The following LDLRAD3 variants were observed in gnomAD, a reference collection of about 807,000 sequenced individuals.
LDLRAD3 encodes the protein low density lipoprotein receptor class A domain containing 3.
Under a neutral mutation model 29.4 loss-of-function variants are expected in LDLRAD3, and 20 were observed. That is an observed-to-expected ratio of 0.68 (90% CI 0.48 to 0.99). The LOEUF (loss-of-function observed/expected upper bound fraction) is 0.99. LDLRAD3 is among the 50% of genes least tolerant of loss of function. The pLI, the probability that LDLRAD3 is intolerant of heterozygous loss-of-function variation, is 0.00. For synonymous variants in LDLRAD3, 157 were observed against 192.7 expected (o/e 0.81, Z 1.53); for missense variants, 420 against 454.3 (o/e 0.92, Z 0.69).
chr11:36,122,195 A>G (rs1209885559), intron 4 of LDLRAD3, among the ~76,000 whole-genome samples: 1 of 152,088 alleles, frequency 6.6e-6, no homozygotes, highest in Non-Finnish European at 1.5e-5. Flanking sequence ...GACCAAAGGA[A>G]CAAGTAAACA....
At chr11:36,229,009 A>C (rs1855536552) in intron 5 of LDLRAD3, 151 bp from the exon 6 acceptor site, 1 of 689,514 alleles carries the variant, frequency 1.5e-6, no homozygotes. Flanking sequence ...TGGTCCTTGA[A>C]TTAATTGTCT....
intron 4 of LDLRAD3, among the ~76,000 whole-genome samples, chr11:36,199,256 A>G (rs1423720064): frequency 2.6e-5 from 4 of 152,126 alleles, no homozygotes; most frequent in South Asian, 4.1e-4. Context: ...GCACTAAAGG[A>G]TCCTGTTAAA....
chr11:36,036,059 C>T, intron 1 of LDLRAD3, 44 bp from the exon 2 acceptor site: 1 of 1,594,764 alleles, frequency 6.3e-7, no homozygotes, highest in Non-Finnish European at 8.6e-7. Context: ...CGCTGAGGTC[C>T]CTGCTGTTGC....
chr11:36,071,451 C>A, intron 2 of LDLRAD3, among the ~76,000 whole-genome samples: 1 of 152,038 alleles, frequency 6.6e-6, no homozygotes, highest in Non-Finnish European at 1.5e-5. Flanking sequence ...ATGTATCTGG[C>A]TGTGCATTGT....
In LDLRAD3 at chr11:35,979,069, G is replaced by C. The variant is rs572738531; in HGVS notation, c.46+34925G>C. On this transcript the variant is annotated intron_variant, in intron 1 of 5. Coordinates refer to ENST00000315571, the MANE Select transcript of LDLRAD3 (RefSeq NM_174902.4). ...ACACATTGAATAATGCTCCACTCCG[G>C]ATCTGAGGTGTCTGCCTAGAGTGTT... 3.9e-5 allele frequency among the ~76,000 whole-genome samples: 6 copies of C among 152,256 alleles called. No homozygotes were observed. The South Asian group carries it at 1.2e-3, about 32-fold the overall frequency.
At chr11:36,203,808 G>T (rs971193072) in intron 4 of LDLRAD3, among the ~76,000 whole-genome samples, 1 of 152,048 alleles carries the variant, frequency 6.6e-6, no homozygotes, top group Non-Finnish European at 1.5e-5. Context: ...CTCCACCCTT[G>T]CCCCTTCACT....
intron 1 of LDLRAD3, among the ~76,000 whole-genome samples, chr11:35,949,179 C>T (rs1012473757): frequency 3.3e-5 from 5 of 152,132 alleles, no homozygotes; most frequent in East Asian, 1.9e-4. Context: ...CCAGGAATGC[C>T]GTCAGCACTG....
intron 4 of LDLRAD3, among the ~76,000 whole-genome samples, chr11:36,191,599 T>TACACAC (rs71044557): frequency 6.7e-4 from 62 of 93,124 alleles, no homozygotes; most frequent in African/African-American, 2.6e-3. Context: ...TATATATATA[T>TACACAC]ACACACACAC....
chr11:36,173,289 A>T (rs951106337), intron 4 of LDLRAD3, among the ~76,000 whole-genome samples: 1 of 150,216 alleles, frequency 6.7e-6, no homozygotes, highest in African/African-American at 2.4e-5. Context: ...TGCACCCATT[A>T]ACTCGTCATT....
Position 36,063,715 on chromosome 11 carries a change from CTAGAA to C in LDLRAD3, c.194-17937_194-17933del, listed in dbSNP as rs1261314391. Among the ~76,000 whole-genome samples the C allele has an allele frequency of 1.4e-4, 22 of 152,268 alleles. 1 individual carries two copies. The South Asian group carries it at 4.6e-3, about 32-fold the overall frequency. On this transcript the variant is annotated intron_variant, in intron 2 of 5. Transcript: ENST00000315571. ...GGCACTCTTGTCAAAAATCAATTGA[CTAGAA>C]AAGTAAAGGTTTGTTTCTAGACACT...
At chr11:36,159,172 T>A (rs1003245482) in intron 4 of LDLRAD3, among the ~76,000 whole-genome samples, 1 of 152,124 alleles carries the variant, frequency 6.6e-6, no homozygotes, top group African/African-American at 2.4e-5. Flanking sequence ...GACAATTCCA[T>A]TGAAAAAGAA....
chr11:36,225,821 A>G (rs551755719), intron 4 of LDLRAD3, among the ~76,000 whole-genome samples: 106 of 152,286 alleles, frequency 7.0e-4, no homozygotes, highest in Non-Finnish European at 1.3e-3. Flanking sequence ...CTGTAATCCC[A>G]GCACTTTGGG....
intron 4 of LDLRAD3, among the ~76,000 whole-genome samples, chr11:36,121,473 C>T (rs1332595243): frequency 1.3e-5 from 2 of 152,116 alleles, no homozygotes; most frequent in Admixed American, 6.5e-5. Context: ...GCACGTACAC[C>T]CAGGGCATTC....
In LDLRAD3 at chr11:36,067,280, T is replaced by C. The variant is rs138418200; in HGVS notation, c.194-14373T>C. ...AAAGTGTCTGAAATGATAATAATAA[T>C]AAATGGGAATAGTAATAATAGCTAA... is the stretch of plus-strand genomic sequence containing the variant. On this transcript the variant is annotated intron_variant, in intron 2 of 5. Coordinates refer to ENST00000315571, the MANE Select transcript of LDLRAD3 (RefSeq NM_174902.4). Among the ~76,000 whole-genome samples the C allele has an allele frequency of 6.6e-5, 10 of 152,226 alleles. No homozygotes were observed. In the East Asian group the frequency reaches 1.7e-3, roughly 26 times the overall value.
rs181397646 is a variant in LDLRAD3, at chr11:36,013,319, C to T, written c.47-22784C>T. Among the ~76,000 whole-genome samples the T allele has an allele frequency of 1.4e-3, 219 of 152,028 alleles. 1 individual carries two copies. The highest frequency in any genetic ancestry group is 5.0e-3 in the African/African-American group (206 of 41,458). On this transcript the variant is annotated intron_variant, in intron 1 of 5. Transcript: ENST00000315571. Reference sequence around the variant, plus strand: ...TCTTCTTTTTTTTTACTTTAAGTTCCGAGATACATGTGCAGAATGTGCAGG... The same window carrying T: ...TCTTCTTTTTTTTTACTTTAAGTTCTGAGATACATGTGCAGAATGTGCAGG...
intron 1 of LDLRAD3, among the ~76,000 whole-genome samples, chr11:35,981,337 G>A (rs1455971966): frequency 2.0e-5 from 3 of 152,124 alleles, no homozygotes; most frequent in Non-Finnish European, 4.4e-5. Flanking sequence ...CCTTGGCCAT[G>A]TCACTTAACC....
chr11:36,169,015 A>G (rs1015706435), intron 4 of LDLRAD3, among the ~76,000 whole-genome samples: 2 of 152,178 alleles, frequency 1.3e-5, no homozygotes, highest in Admixed American at 6.6e-5. Context: ...TATTCCCATT[A>G]TAGGAGTCAC....
intron 4 of LDLRAD3, among the ~76,000 whole-genome samples, chr11:36,129,766 A>G (rs1853897687): frequency 6.6e-6 from 1 of 151,962 alleles, no homozygotes; most frequent in Non-Finnish European, 1.5e-5. Flanking sequence ...ACCACCCCCA[A>G]CACTCTCCCC....
chr11:36,068,480 A>C (rs891592665), intron 2 of LDLRAD3, among the ~76,000 whole-genome samples: 1 of 152,158 alleles, frequency 6.6e-6, no homozygotes, highest in Non-Finnish European at 1.5e-5. Context: ...CCAAGATCTC[A>C]GTGATTACGT....
Sources: gnomAD v4.1 joint callset for allele counts (sites outside exome capture counted in the v4.1 genomes callset) on GRCh38, gnomAD v4.1.1 for gene constraint, MANE v1.5 for transcripts, NCBI Gene and HGNC (gene_info 2026-07-23, HGNC 2026-07-21) for gene names.